Variants in GABRB3 observed in about 807,000 individuals in gnomAD.
The protein encoded by GABRB3 is gamma-aminobutyric acid receptor subunit beta-3.
A neutral mutation model predicts 52.1 loss-of-function variants in GABRB3; 14 were observed. The ratio of observed to expected loss-of-function variants is 0.27; its 90% CI spans 0.18 to 0.42. The LOEUF (loss-of-function observed/expected upper bound fraction) is 0.42. Among genes scored for constraint, GABRB3 ranks in the 10% least tolerant of loss-of-function variants. The pLI is 1.00. For missense variants in GABRB3, 307 were observed against 609.1 expected, an observed-to-expected ratio of 0.50 and a Z score of 5.22; for synonymous variants, 260 against 232.3, an observed-to-expected ratio of 1.12 and a Z score of -1.08.
At chr15:26,661,682 G>A (rs942196004) in intron 3 of GABRB3, among the ~76,000 whole-genome samples, 2 of 152,166 alleles carry the variant, frequency 1.3e-5, no homozygotes, top group East Asian at 3.9e-4. Flanking sequence ...CAGAGAAGAT[G>A]AGAGTGGGGA....
intron 8 of GABRB3, among the ~76,000 whole-genome samples, chr15:26,558,568 T>TG (rs1352060826): frequency 1.3e-5 from 2 of 152,090 alleles, no homozygotes; most frequent in Non-Finnish European, 2.9e-5. Context: ...TGGGGCCTGG[T>TG]GGGAGGTGTA....
intron 3 of GABRB3, among the ~76,000 whole-genome samples, chr15:26,699,135 G>C (rs1259988038): frequency 6.6e-6 from 1 of 152,092 alleles, no homozygotes. Flanking sequence ...AAATTTGTCA[G>C]AGTTTAAGAA....
chr15:26,721,629 C>A (rs1889646166), intron 3 of GABRB3, among the ~76,000 whole-genome samples: 1 of 151,736 alleles, frequency 6.6e-6, no homozygotes, highest in East Asian at 2.0e-4. Flanking sequence ...TGTTACAGAG[C>A]TCCGTCTCAA....
intron 7 of GABRB3, among the ~76,000 whole-genome samples, chr15:26,566,761 C>G (rs1040736101): frequency 6.6e-6 from 1 of 152,016 alleles, no homozygotes; most frequent in Non-Finnish European, 1.5e-5. Context: ...GAAGGGATAA[C>G]TGGAACCCTG....
At chr15:26,656,051 T>C (rs1353883342) in intron 3 of GABRB3, among the ~76,000 whole-genome samples, 1 of 152,192 alleles carries the variant, frequency 6.6e-6, no homozygotes, top group Non-Finnish European at 1.5e-5. Flanking sequence ...ATCTCTTCGT[T>C]ACTTTGGGAT....
chr15:26,620,755 T>C (rs1422028342), intron 4 of GABRB3, among the ~76,000 whole-genome samples: 1 of 151,622 alleles, frequency 6.6e-6, no homozygotes, highest in Non-Finnish European at 1.5e-5. Flanking sequence ...CAGGGCCTCC[T>C]CACTGGGACT....
intron 6 of GABRB3, among the ~76,000 whole-genome samples, chr15:26,578,233 C>T (rs1019637786): frequency 1.3e-5 from 2 of 152,190 alleles, no homozygotes; most frequent in Non-Finnish European, 2.9e-5. Flanking sequence ...TAGAACACTG[C>T]AACTTATGCC....
chr15:26,554,193 A>AAAG (rs1567097908), intron 8 of GABRB3, among the ~76,000 whole-genome samples: 1 of 69,426 alleles, frequency 1.4e-5, no homozygotes, highest in African/African-American at 5.3e-5. Flanking sequence ...TATATATACT[A>AAAG]TATATATATA....
intron 4 of GABRB3, chr15:26,616,085 A>G: frequency 7.8e-7 from 1 of 1,289,058 alleles, no homozygotes; most frequent in Non-Finnish European, 1.0e-6. Context: ...GATGCAATGC[A>G]TTGTTGGGTT....
chr15:26,581,719 T>C (rs1890797712), intron 5 of GABRB3, among the ~76,000 whole-genome samples: 3 of 152,196 alleles, frequency 2.0e-5, no homozygotes, highest in Admixed American at 2.0e-4. Context: ...TTCCCACATT[T>C]GCATCTTGGC....
At chr15:26,699,155 A>G (rs1888844535) in intron 3 of GABRB3, among the ~76,000 whole-genome samples, 1 of 152,218 alleles carries the variant, frequency 6.6e-6, no homozygotes, top group African/African-American at 2.4e-5. Flanking sequence ...AGAAGTTTCC[A>G]GAACTGGGAA....
chr15:26,685,126 A>C (rs1595529439), intron 3 of GABRB3, among the ~76,000 whole-genome samples: 1 of 152,254 alleles, frequency 6.6e-6, no homozygotes, highest in East Asian at 1.9e-4. Context: ...CATGGGATGA[A>C]GCTCCAGGTG....
At chr15:26,612,962 A>C (rs28640042) in intron 4 of GABRB3, 55,905 of 151,906 alleles carry the variant, frequency 0.37, 11,404 homozygotes, top group East Asian at 0.77. Context: ...CACACACACA[A>C]AAAAAATAGC....
intron 3 of GABRB3, among the ~76,000 whole-genome samples, chr15:26,691,344 A>T (rs1200062979): frequency 6.6e-6 from 1 of 152,218 alleles, no homozygotes; most frequent in Non-Finnish European, 1.5e-5. Context: ...AAAGACGGGG[A>T]AGAAAAAAGA....
chr15:26,751,441 G>A (rs1225105655), intron 3 of GABRB3, among the ~76,000 whole-genome samples: 3 of 152,140 alleles, frequency 2.0e-5, no homozygotes, highest in African/African-American at 4.8e-5. Flanking sequence ...TAATAACAGT[G>A]CAGTGATCAG....
intron 4 of GABRB3, among the ~76,000 whole-genome samples, chr15:26,602,229 G>A (rs1566768109): frequency 1.3e-5 from 2 of 152,052 alleles, no homozygotes; most frequent in South Asian, 2.1e-4. Flanking sequence ...AAACATATAT[G>A]AATCCAATAC....
At chr15:26,679,808 C>A (rs562198119) in intron 3 of GABRB3, among the ~76,000 whole-genome samples, 1 of 152,248 alleles carries the variant, frequency 6.6e-6, no homozygotes, top group African/African-American at 2.4e-5. Flanking sequence ...CCCACTGGAT[C>A]CACAGCATAA....
chr15:26,555,367 A>T (rs1325829891), intron 8 of GABRB3, among the ~76,000 whole-genome samples: 2 of 152,292 alleles, frequency 1.3e-5, no homozygotes, highest in East Asian at 3.9e-4. Context: ...GAGAATGAAG[A>T]CACAAGACAT....
At chr15:26,725,954 C>T (rs1421352449) in intron 3 of GABRB3, among the ~76,000 whole-genome samples, 1 of 152,200 alleles carries the variant, frequency 6.6e-6, no homozygotes, top group Non-Finnish European at 1.5e-5. Flanking sequence ...GAGTAATGCT[C>T]ATGAGTCTTG....
Sources: gnomAD v4.1 joint callset for allele counts (sites outside exome capture counted in the v4.1 genomes callset) on GRCh38, gnomAD v4.1.1 for gene constraint, MANE v1.5 for transcripts, NCBI Gene and HGNC (gene_info 2026-07-23, HGNC 2026-07-21) for gene names.